PPP2R2C: variants seen among roughly 807,000 people sequenced by gnomAD.
PPP2R2C encodes the protein protein phosphatase 2, regulatory subunit B, gamma.
Under a neutral mutation model 45.3 loss-of-function variants are expected in PPP2R2C, and 10 were observed. The ratio of observed to expected loss-of-function variants is 0.22; its 90% CI spans 0.14 to 0.37. The LOEUF (loss-of-function observed/expected upper bound fraction) is 0.37. PPP2R2C is among the 10% of genes least tolerant of loss of function. PPP2R2C has a pLI of 1.00. For synonymous variants in PPP2R2C, 257 were observed against 245.4 expected (o/e 1.05, Z -0.44); for missense variants, 308 against 619.7 (o/e 0.50, Z 5.34).
At position 6,333,738 on chromosome 4, in the gene PPP2R2C, A is replaced by C; in HGVS notation, c.791-7T>G. 1.2e-6 allele frequency: 2 copies of C among 1,613,964 alleles called. No homozygotes were observed. The highest frequency in any genetic ancestry group is 1.7e-6 in the Non-Finnish European group (2 of 1,179,920). Reference sequence around the variant, plus strand: ...TCCTCAGGCTCTTCAAAGACTGTGGAGACAGAGAAGCAATGGCCGTCACTG... The same window carrying C: ...TCCTCAGGCTCTTCAAAGACTGTGGCGACAGAGAAGCAATGGCCGTCACTG... On this transcript the variant is annotated splice_region_variant and splice_polypyrimidine_tract_variant and intron_variant, in intron 6 of 8. Coordinates refer to ENST00000382599, the MANE Select transcript of PPP2R2C (RefSeq NM_020416.4).
At chr4:6,482,814 A>C (rs898770970) in intron 2 of PPP2R2C, among the ~76,000 whole-genome samples, 1 of 152,130 alleles carries the variant, frequency 6.6e-6, no homozygotes, top group African/African-American at 2.4e-5. Context: ...AATGATTTCA[A>C]AGTTTCATCA....
In PPP2R2C at chr4:6,347,940, C is replaced by T. The variant is rs767816512; in HGVS notation, c.696G>A (p.Pro232=). 4.7e-5 allele frequency: 76 copies of T among 1,613,894 alleles called. No individual in the cohort carries two copies. The highest frequency in any genetic ancestry group is 5.1e-5 in the Non-Finnish European group (60 of 1,180,004). Residue 232 remains proline (P), a synonymous_variant, in exon 6 of 9, where the codon CCG becomes CCA. Transcript: ENST00000382599. ...TGTAGACGAAGAGGTTGCAGTGGTG[C>T]GGATGGAACTCAGATGCTGTGATCA... ...TEVITASEFH[P]HHCNLFVYSS...
At chr4:6,375,217 A>C (rs1262136536) in intron 4 of PPP2R2C, among the ~76,000 whole-genome samples, 1 of 152,222 alleles carries the variant, frequency 6.6e-6, no homozygotes, top group Non-Finnish European at 1.5e-5. Context: ...GCAATTTGCC[A>C]GTCATTTAGG....
rs375853311 is a variant in PPP2R2C, at chr4:6,352,578, T to C, written c.626-4568A>G. Among the ~76,000 whole-genome samples, 35 of 152,304 alleles carry C rather than the reference T, an allele frequency of 2.3e-4. No homozygotes were observed. In the South Asian group the frequency reaches 7.2e-3, roughly 32 times the overall value. On this transcript the variant is annotated intron_variant, in intron 5 of 8. Transcript: ENST00000382599. ...ATTTGTTTCCCTTCCAATCACACTC[T>C]AGCATCTAAGAGTCATTTTCCCTGC...
intron 5 of PPP2R2C, among the ~76,000 whole-genome samples, chr4:6,371,969 C>T (rs942348430): frequency 3.9e-5 from 6 of 152,200 alleles, no homozygotes; most frequent in Non-Finnish European, 5.9e-5. Context: ...TCCCAGCAGT[C>T]GGCGGGAATC....
intron 1 of PPP2R2C, among the ~76,000 whole-genome samples, chr4:6,439,651 C>T (rs534930082): frequency 3.9e-4 from 60 of 152,126 alleles, no homozygotes; most frequent in Non-Finnish European, 8.1e-4. Flanking sequence ...TCCAGTCCAC[C>T]CCCATCTCAT....
chr4:6,413,932 G>A (rs184003867), intron 1 of PPP2R2C: 238 of 1,536,060 alleles, frequency 1.5e-4, no homozygotes, highest in East Asian at 8.6e-4. Flanking sequence ...CAGCGTCTTC[G>A]TTATACTCAA....
At chr4:6,443,160 T>G (rs1258472159) in intron 1 of PPP2R2C, among the ~76,000 whole-genome samples, 1 of 151,948 alleles carries the variant, frequency 6.6e-6, no homozygotes, top group African/African-American at 2.4e-5. Flanking sequence ...CTTCCCTCTC[T>G]CTCCTCGGCA....
At chr4:6,518,922 T>TAAAAAAAAAAAAAAAAAAAA (rs56002128) in intron 2 of PPP2R2C, among the ~76,000 whole-genome samples, 15 of 92,914 alleles carry the variant, frequency 1.6e-4, no homozygotes, top group African/African-American at 3.7e-4. Context: ...GACTCTGTCT[T>TAAAAAAAAAAAAAAAAAAAA]AAAAAAAAAA....
At chr4:6,515,934 C>G (rs1006719460) in intron 2 of PPP2R2C, among the ~76,000 whole-genome samples, 5 of 152,208 alleles carry the variant, frequency 3.3e-5, no homozygotes, top group African/African-American at 1.2e-4. Flanking sequence ...AGCATCCAAT[C>G]TCTGCCTCTG....
intron 1 of PPP2R2C, among the ~76,000 whole-genome samples, chr4:6,462,713 G>A (rs879689465): frequency 2.6e-5 from 4 of 152,200 alleles, no homozygotes; most frequent in African/African-American, 4.8e-5. Flanking sequence ...TGTTTTGTGA[G>A]GTGGGATAAC....
At chr4:6,436,832 G>A (rs1464079132) in intron 1 of PPP2R2C, among the ~76,000 whole-genome samples, 1 of 152,206 alleles carries the variant, frequency 6.6e-6, no homozygotes, top group African/African-American at 2.4e-5. Context: ...AAAAACAGGA[G>A]GTGGGTCAGA....
intron 6 of PPP2R2C, among the ~76,000 whole-genome samples, chr4:6,338,272 C>T (rs1733150963): frequency 6.6e-6 from 1 of 152,206 alleles, no homozygotes; most frequent in African/African-American, 2.4e-5. Context: ...GCCGAAATCT[C>T]CATCCTGTTT....
chr4:6,563,025 C>A lies in PPP2R2C; in HGVS notation c.-59+535G>T, dbSNP rs1453164594. Among the ~76,000 whole-genome samples, 1 of 152,244 alleles carries A rather than the reference C, an allele frequency of 6.6e-6. No individual in the cohort carries two copies. Among genetic ancestry groups the A allele is most frequent in the East Asian group, 1.9e-4 (1 of 5,160 alleles). On this transcript the variant is annotated intron_variant, in intron 1 of 9. Transcript: ENST00000506140. This position sits in a 1 kb window ranked among gnomAD's most constrained non-coding sequence, Gnocchi z 5.8. Reference sequence around the variant, plus strand: ...CAGCCGGGCCTGACTCAGCACCCACCGGCGCGGGCAGCGGGAGGAGCGCGT... The same window carrying A: ...CAGCCGGGCCTGACTCAGCACCCACAGGCGCGGGCAGCGGGAGGAGCGCGT...
chr4:6,416,792 G>A (rs1718613544), intron 1 of PPP2R2C, among the ~76,000 whole-genome samples: 3 of 152,208 alleles, frequency 2.0e-5, no homozygotes, highest in Admixed American at 2.0e-4. Flanking sequence ...GGCAGGGCTG[G>A]AGGAGGAGGG....
intron 1 of PPP2R2C, among the ~76,000 whole-genome samples, chr4:6,427,185 C>G (rs1025408637): frequency 2.0e-5 from 3 of 152,254 alleles, no homozygotes; most frequent in Non-Finnish European, 4.4e-5. Context: ...GGGGGCCCCA[C>G]TGTATGCCCA....
At chr4:6,372,263 G>A (rs2109295807) in intron 5 of PPP2R2C, among the ~76,000 whole-genome samples, 1 of 152,348 alleles carries the variant, frequency 6.6e-6, no homozygotes, top group South Asian at 2.1e-4. Flanking sequence ...GAGGCCCTAG[G>A]ATGAGGGGAT....
At chr4:6,516,649 A>T (rs994284832) in intron 2 of PPP2R2C, among the ~76,000 whole-genome samples, 2 of 152,204 alleles carry the variant, frequency 1.3e-5, no homozygotes, top group Non-Finnish European at 2.9e-5. Context: ...AACAGCATGG[A>T]CCCTGCAGCG....
At chr4:6,490,040 A>G (rs1722649090) in intron 2 of PPP2R2C, among the ~76,000 whole-genome samples, 1 of 152,188 alleles carries the variant, frequency 6.6e-6, no homozygotes, top group Admixed American at 6.5e-5. Context: ...CCGCCTGCAC[A>G]TTGCTCTCTA....
Sources: allele counts gnomAD v4.1 joint callset (sites outside exome capture counted in the v4.1 genomes callset), GRCh38; gene constraint gnomAD v4.1.1; non-coding constraint Gnocchi (gnomAD v3.1); transcripts MANE v1.5; gene names NCBI Gene and HGNC (gene_info 2026-07-23, HGNC 2026-07-21).